LRRTM4: variants seen among roughly 807,000 people sequenced by gnomAD.
LRRTM4 encodes leucine-rich repeat transmembrane neuronal protein 4.
LRRTM4 carries 25 observed loss-of-function variants against 47.6 expected under a neutral mutation model. The ratio of observed to expected loss-of-function variants is 0.53; its 90% confidence interval spans 0.38 to 0.73. LRRTM4 has a LOEUF of 0.73. LRRTM4 is among the 30% of genes least tolerant of loss of function. LRRTM4 has a pLI of 0.00. For missense variants in LRRTM4, 638 were observed against 713.4 expected (o/e 0.89, Z 1.20); for synonymous variants, 311 against 269.5 (o/e 1.15, Z -1.51).
At chr2:77,176,666 A>T (rs937453180) in intron 3 of LRRTM4, among the ~76,000 whole-genome samples, 4 of 152,218 alleles carry the variant, frequency 2.6e-5, no homozygotes, top group African/African-American at 9.6e-5. Context: ...TCAAGATGAT[A>T]AAAAATAATA....
chr2:77,112,498 T>C (rs1320256538), intron 3 of LRRTM4, among the ~76,000 whole-genome samples: 3 of 152,186 alleles, frequency 2.0e-5, no homozygotes, highest in East Asian at 3.9e-4. Context: ...TTTATATTGC[T>C]TCTGCAATTA....
chr2:76,789,641 C>G (rs1674865813), intron 3 of LRRTM4, among the ~76,000 whole-genome samples: 1 of 152,080 alleles, frequency 6.6e-6, no homozygotes, highest in Non-Finnish European at 1.5e-5. Flanking sequence ...CTCCATGGTT[C>G]CCGCTCCCCA....
chr2:76,970,064 A>T (rs1354550235), intron 3 of LRRTM4, among the ~76,000 whole-genome samples: 1 of 151,958 alleles, frequency 6.6e-6, no homozygotes, highest in African/African-American at 2.4e-5. Flanking sequence ...AGAGTTAAGT[A>T]ACTTGTTCAT....
intron 3 of LRRTM4, among the ~76,000 whole-genome samples, chr2:76,992,601 A>C (rs1449007922): frequency 2.0e-5 from 3 of 151,724 alleles, no homozygotes; most frequent in African/African-American, 7.3e-5. Context: ...AGAACTACAA[A>C]ACACTGCTGA....
At chr2:77,214,410 A>T (rs560252921) in intron 3 of LRRTM4, among the ~76,000 whole-genome samples, 2 of 152,300 alleles carry the variant, frequency 1.3e-5, no homozygotes, top group East Asian at 3.9e-4. Flanking sequence ...GCTTCGTGTC[A>T]GATGCACAGA....
intron 3 of LRRTM4, among the ~76,000 whole-genome samples, chr2:77,070,919 AAAGTATTTTTTTGAAAT>A (rs1239921441): frequency 6.6e-6 from 1 of 152,176 alleles, no homozygotes; most frequent in Admixed American, 6.5e-5. Context: ...TGCCTGGCCA[AAAGTATTTTTTTGAAAT>A]AACAATTTTA....
intron 3 of LRRTM4, among the ~76,000 whole-genome samples, chr2:77,135,721 T>C (rs967228988): frequency 6.6e-6 from 1 of 152,184 alleles, no homozygotes; most frequent in African/African-American, 2.4e-5. Context: ...GTGAATGTTC[T>C]TGAATTTATT....
At chr2:77,180,818 G>C (rs1673327276) in intron 3 of LRRTM4, among the ~76,000 whole-genome samples, 1 of 152,068 alleles carries the variant, frequency 6.6e-6, no homozygotes, top group South Asian at 2.1e-4. Flanking sequence ...CGTGAATCTG[G>C]AAGGTTACAG....
At chr2:76,817,485 T>G (rs1670934909) in intron 3 of LRRTM4, among the ~76,000 whole-genome samples, 1 of 151,932 alleles carries the variant, frequency 6.6e-6, no homozygotes, top group South Asian at 2.1e-4. Flanking sequence ...GAGTAGTACC[T>G]CACTTAGTCC....
At chr2:76,816,171 A>ATTGT (rs1239084382) in intron 3 of LRRTM4, among the ~76,000 whole-genome samples, 1 of 152,078 alleles carries the variant, frequency 6.6e-6, no homozygotes, top group Non-Finnish European at 1.5e-5. Flanking sequence ...ATACAGAAAG[A>ATTGT]TTGTTTGTAT....
intron 2 of LRRTM4, among the ~76,000 whole-genome samples, chr2:77,520,989 A>T (rs1053958602): frequency 7.9e-5 from 12 of 152,054 alleles, no homozygotes; most frequent in African/African-American, 2.4e-4. Context: ...GAGGCAATCA[A>T]CCAAATCCCT....
intron 3 of LRRTM4, among the ~76,000 whole-genome samples, chr2:77,437,168 G>A (rs565938938): frequency 1.3e-5 from 2 of 151,986 alleles, no homozygotes; most frequent in African/African-American, 2.4e-5. Context: ...TAAATTTGAC[G>A]ATTTTTATGA....
intron 3 of LRRTM4, among the ~76,000 whole-genome samples, chr2:76,908,791 G>T (rs1673943676): frequency 6.6e-6 from 1 of 152,010 alleles, no homozygotes; most frequent in Admixed American, 6.5e-5. Context: ...TACAAGGGAT[G>T]TGAAGGACCT....
intron 3 of LRRTM4, among the ~76,000 whole-genome samples, chr2:77,231,331 T>C (rs1573113042): frequency 6.6e-6 from 1 of 152,002 alleles, no homozygotes; most frequent in East Asian, 1.9e-4. Context: ...CTATAATGTA[T>C]CACTGAAAAG....
In LRRTM4 at chr2:77,457,030, ATATATATATATATATATATATG is replaced by A. The variant is rs1273304585; in HGVS notation, c.1551+61266_1551+61287del. On this transcript the variant is annotated intron_variant, in intron 3 of 3. Transcript: ENST00000409884. ...TATATATATATATATATATATATAT[ATATATATATATATATATATATG>A]TATAACCTGGAACTCTTTGACAAGC... Among the ~76,000 whole-genome samples, 98 of 24,218 alleles carry A rather than the reference ATATATATATATATATATATATG, an allele frequency of 4.0e-3. 4 individuals are homozygous for A. The highest frequency in any genetic ancestry group is 0.015 in the African/African-American group (90 of 6,098). 15.9% of individuals were successfully genotyped at this position (24,218 alleles called of 152,430 possible).
At chr2:77,173,298 A>G (rs1373246961) in intron 3 of LRRTM4, among the ~76,000 whole-genome samples, 1 of 152,188 alleles carries the variant, frequency 6.6e-6, no homozygotes, top group Non-Finnish European at 1.5e-5. Context: ...TACCATCTCA[A>G]GAGTTCAGTT....
chr2:77,355,584 G>A (rs1355871528), intron 3 of LRRTM4, among the ~76,000 whole-genome samples: 2 of 152,148 alleles, frequency 1.3e-5, no homozygotes, highest in Non-Finnish European at 2.9e-5. Context: ...GATTCCATTT[G>A]TTTTTCTCAG....
intron 3 of LRRTM4, among the ~76,000 whole-genome samples, chr2:77,173,532 G>A (rs1673112538): frequency 6.6e-6 from 1 of 152,124 alleles, no homozygotes; most frequent in Non-Finnish European, 1.5e-5. Flanking sequence ...TTGACAGATA[G>A]GGTGATTTGA....
chr2:77,203,854 T>C (rs187944409), intron 3 of LRRTM4, among the ~76,000 whole-genome samples: 1 of 152,164 alleles, frequency 6.6e-6, no homozygotes, highest in Non-Finnish European at 1.5e-5. Context: ...CCACGAGATA[T>C]CTATAAGAGA....
Sources: gnomAD v4.1 joint callset for allele counts (sites outside exome capture counted in the v4.1 genomes callset) on GRCh38, gnomAD v4.1.1 for gene constraint, MANE v1.5 for transcripts, NCBI Gene and HGNC (gene_info 2026-07-23, HGNC 2026-07-21) for gene names.